The following BDKRB2 variants were observed in gnomAD, a reference collection of about 807,000 sequenced individuals.
BDKRB2 encodes B2 bradykinin receptor.
A neutral mutation model predicts 4.0 loss-of-function variants in BDKRB2; 6 were observed. The ratio of observed to expected loss-of-function variants is 1.49; its 90% confidence interval spans 0.81 to 2.93. The LOEUF (loss-of-function observed/expected upper bound fraction) is 2.93. Ranked by LOEUF, BDKRB2 falls within the 30% of genes most tolerant of loss-of-function variation. BDKRB2 has a pLI of 0.00. For synonymous variants in BDKRB2, 225 were observed against 215.3 expected (o/e 1.05, Z -0.40); for missense variants, 478 against 520.1 (o/e 0.92, Z 0.79).
intron 1 of BDKRB2, among the ~76,000 whole-genome samples, chr14:96,208,756 G>A (rs1437875330): frequency 6.6e-6 from 1 of 152,210 alleles, no homozygotes; most frequent in Non-Finnish European, 1.5e-5. Context: ...CTGACAGCAA[G>A]AGTCCTTCTC....
intron 1 of BDKRB2, among the ~76,000 whole-genome samples, chr14:96,227,805 C>T (rs942895878): frequency 2.6e-5 from 4 of 152,232 alleles, no homozygotes; most frequent in South Asian, 2.1e-4. Context: ...AGCAAGATTG[C>T]GAGACAGATT....
intron 1 of BDKRB2, chr14:96,234,149 A>T (rs781579670): frequency 5.3e-5 from 8 of 152,228 alleles, no homozygotes; most frequent in Non-Finnish European, 8.8e-5. Context: ...AAGAGGGCAC[A>T]TTCCAATTGG....
At chr14:96,223,117 A>T in intron 1 of BDKRB2, 1 of 1,274,068 alleles carries the variant, frequency 7.8e-7, no homozygotes. Flanking sequence ...CATGTCACAC[A>T]AACAAATTCA....
At chr14:96,236,995 C>T in intron 1 of BDKRB2, 74 bp from the exon 2 acceptor site, 2 of 883,456 alleles carry the variant, frequency 2.3e-6, no homozygotes, top group East Asian at 2.4e-5. Context: ...CATTTCTCCT[C>T]CCTGCTGGAG....
intron 1 of BDKRB2, chr14:96,223,269 G>A: frequency 9.6e-7 from 1 of 1,044,520 alleles, no homozygotes; most frequent in Non-Finnish European, 1.5e-6. Context: ...GTCAGGGATG[G>A]GTCCATAATA....
chr14:96,211,390 G>A (rs1286549785), intron 1 of BDKRB2, among the ~76,000 whole-genome samples: 2 of 152,256 alleles, frequency 1.3e-5, no homozygotes, highest in African/African-American at 4.8e-5. Flanking sequence ...AGCAAAGTGA[G>A]AGGTGAGAGA....
chr14:96,233,949 A>G (rs1377403991), intron 1 of BDKRB2: 2 of 152,250 alleles, frequency 1.3e-5, no homozygotes, highest in Non-Finnish European at 2.9e-5. Context: ...CCAGGAGCAG[A>G]GTCATCACCT....
chr14:96,215,358 T>C (rs895758544), intron 1 of BDKRB2, among the ~76,000 whole-genome samples: 1 of 152,186 alleles, frequency 6.6e-6, no homozygotes, highest in Non-Finnish European at 1.5e-5. Flanking sequence ...TTTAACCAAC[T>C]GCCTGGTCCT....
At chr14:96,229,347 T>C (rs1313950208) in intron 1 of BDKRB2, among the ~76,000 whole-genome samples, 1 of 151,964 alleles carries the variant, frequency 6.6e-6, no homozygotes, top group Non-Finnish European at 1.5e-5. Flanking sequence ...CTGGCTTATG[T>C]GATTGTAGGG....
intron 1 of BDKRB2, among the ~76,000 whole-genome samples, chr14:96,206,502 T>C (rs1013257005): frequency 3.9e-5 from 6 of 152,076 alleles, no homozygotes; most frequent in Non-Finnish European, 8.8e-5. Context: ...TCTGAGGACT[T>C]TGAAAGTGGT....
chr14:96,211,756 A>G (rs11627108), intron 1 of BDKRB2, among the ~76,000 whole-genome samples: 134,044 of 152,188 alleles, frequency 0.88, 59,241 homozygotes, highest in East Asian at 0.98. Flanking sequence ...CTAGGGCAAG[A>G]GATGTGGTCT....
intron 1 of BDKRB2, among the ~76,000 whole-genome samples, chr14:96,209,414 A>G (rs1335844443): frequency 6.6e-6 from 1 of 152,180 alleles, no homozygotes; most frequent in East Asian, 1.9e-4. Flanking sequence ...TATTTTGCCA[A>G]GATTAAGGAT....
chr14:96,206,759 G>T (rs547634922), intron 1 of BDKRB2, among the ~76,000 whole-genome samples: 2 of 152,112 alleles, frequency 1.3e-5, no homozygotes, highest in African/African-American at 2.4e-5. Context: ...GGGCGCGGTG[G>T]GGGGAGCCCT....
intron 2 of BDKRB2, chr14:96,238,333 AC>A: frequency 1.8e-6 from 1 of 547,806 alleles, no homozygotes; most frequent in Non-Finnish European, 2.3e-6. Context: ...GCATGTTATG[AC>A]CTAGCCTCAG....
At chr14:96,230,991 T>G (rs1219920082) in intron 1 of BDKRB2, among the ~76,000 whole-genome samples, 1 of 152,092 alleles carries the variant, frequency 6.6e-6, no homozygotes, top group Non-Finnish European at 1.5e-5. Flanking sequence ...GGTATTAGGA[T>G]GTCAAATGAA....
intron 1 of BDKRB2, among the ~76,000 whole-genome samples, chr14:96,207,558 C>T (rs1484698680): frequency 2.0e-5 from 3 of 152,054 alleles, no homozygotes; most frequent in Non-Finnish European, 4.4e-5. Flanking sequence ...TTGTGCAAAC[C>T]CACAGAATGT....
Position 96,241,635 on chromosome 14 carries a change from C to T in BDKRB2, c.*131C>T, listed in dbSNP as rs200139588. The T allele has an allele frequency of 7.8e-5, 108 of 1,377,526 alleles. 1 individual carries two copies. In the South Asian group the frequency reaches 1.6e-3, roughly 20 times the overall value. The allele number at this position is 1,377,526 out of a possible 1,614,324, so 85.3% of individuals were successfully genotyped here. ...AAATGAGTTGATGTCTCCGGTAAAA[C>T]ACCGGAGACTAATTCCTGCCCTGCC... On this transcript the variant is annotated 3_prime_UTR_variant, in exon 3 of 3. Transcript: ENST00000554311.
rs375930199 is a variant in BDKRB2 at position 96,239,776 on chromosome 14, C to T, written c.75-627C>T. The T allele has an allele frequency of 3.3e-5, 32 of 982,456 alleles. No homozygotes were observed. The East Asian group carries it at 3.2e-3, about 98-fold the overall frequency. The allele number at this position is 982,456 out of a possible 1,614,324, so 60.9% of individuals were successfully genotyped here. A position where few individuals can be genotyped will look rare whatever the true frequency, so the allele number is the denominator to read the frequency against. ...ATAAGTAAGGCAGCCAGGATGTGAACCCAGTAGGACTATCTGGCTGCAAAG... is the reference window on the plus strand; with the variant it reads ...ATAAGTAAGGCAGCCAGGATGTGAATCCAGTAGGACTATCTGGCTGCAAAG... On this transcript the variant is annotated intron_variant, in intron 2 of 2. Transcript: ENST00000554311.
At position 96,243,843 on chromosome 14, in the gene BDKRB2, G is replaced by GAA. The variant is rs146288764; in HGVS notation, c.*2351_*2352dup. On this transcript the variant is annotated 3_prime_UTR_variant, in exon 3 of 3. Coordinates refer to ENST00000554311, the MANE Select transcript of BDKRB2 (RefSeq NM_001379692.1). ...TCAAACTGTGCCACACATGGTGAAT[G>GAA]AAAAAAAAAAAAAGAGGCTGTGTTT... The GAA allele has an allele frequency of 2.6e-3, 529 of 201,212 alleles. No individual in the cohort carries two copies. The highest frequency in any genetic ancestry group is 3.6e-3 in the Non-Finnish European group (376 of 104,384). 12.5% of individuals were successfully genotyped at this position (201,212 alleles called of 1,614,324 possible).
Sources: allele counts gnomAD v4.1 joint callset (sites outside exome capture counted in the v4.1 genomes callset), GRCh38; gene constraint gnomAD v4.1.1; transcripts MANE v1.5; gene names NCBI Gene and HGNC (gene_info 2026-07-23, HGNC 2026-07-21).